The following PDE4D variants were observed in gnomAD, a reference collection of about 807,000 sequenced individuals.
PDE4D encodes the protein phosphodiesterase 4D, also known as 3',5'-cyclic-AMP phosphodiesterase 4D.
Under a neutral mutation model 87.4 loss-of-function variants are expected in PDE4D, and 24 were observed. The observed-to-expected ratio is 0.27, with a 90% CI of 0.20 to 0.39. The LOEUF (loss-of-function observed/expected upper bound fraction) is 0.39, where lower values mean the gene tolerates loss of function less well. Ranked by LOEUF, PDE4D falls within the 10% of genes least tolerant of loss-of-function variation. The pLI is 1.00. For missense variants in PDE4D, 714 were observed against 1,041.0 expected (o/e 0.69, Z 4.32); for synonymous variants, 384 against 383.2 (o/e 1.00, Z -0.02).
At position 58,992,039 on chromosome 5, in the gene PDE4D, T is replaced by C. The variant is rs777578853; in HGVS notation, c.1016-35A>G. On this transcript the variant is annotated intron_variant, in intron 7 of 14. Transcript: ENST00000340635. ...TTTAGAAAATGTTCTATATTTATTA[T>C]TAATTCTATCTGTTTTATATCATAT... The C allele has an allele frequency of 4.7e-6, 6 of 1,290,128 alleles. No individual in the cohort carries two copies. The African/African-American group carries it at 9.1e-5, about 20-fold the overall frequency. The allele number at this position is 1,290,128 out of a possible 1,614,324, so 79.9% of individuals were successfully genotyped here.
At chr5:60,216,223 C>T (rs913683849) in intron 1 of PDE4D, among the ~76,000 whole-genome samples, 4 of 152,042 alleles carry the variant, frequency 2.6e-5, no homozygotes, top group African/African-American at 9.7e-5. Flanking sequence ...TCTGGAATTG[C>T]ATCTTGTATT....
intron 1 of PDE4D, among the ~76,000 whole-genome samples, chr5:59,578,779 T>A (rs148089033): frequency 6.6e-6 from 1 of 152,190 alleles, no homozygotes; most frequent in African/African-American, 2.4e-5. Context: ...CTCCACATTA[T>A]CTGCATTCTC....
chr5:60,040,648 CA>C (rs898537365), intron 2 of PDE4D, among the ~76,000 whole-genome samples: 1 of 151,918 alleles, frequency 6.6e-6, no homozygotes, highest in Non-Finnish European at 1.5e-5. Context: ...ATAAAATGAC[CA>C]ATTGTGTACT....
intron 1 of PDE4D, among the ~76,000 whole-genome samples, chr5:59,535,078 G>T (rs112448452): frequency 0.034 from 2,492 of 72,500 alleles, 49 homozygotes; most frequent in African/African-American, 0.057. Flanking sequence ...TGTGTGTGTG[G>T]GGGGGGGGTC....
chr5:59,967,633 T>C (rs552053950), intron 3 of PDE4D, among the ~76,000 whole-genome samples: 42 of 152,304 alleles, frequency 2.8e-4, no homozygotes, highest in Middle Eastern at 3.4e-3. Flanking sequence ...AGGGAATGCT[T>C]ATACACCATT....
At chr5:59,298,045 G>A (rs1400685998) in intron 1 of PDE4D, among the ~76,000 whole-genome samples, 1 of 151,910 alleles carries the variant, frequency 6.6e-6, no homozygotes, top group Non-Finnish European at 1.5e-5. Context: ...GGGAGGTACT[G>A]GAGCTTGGGG....
chr5:59,339,867 T>G (rs1204391609), intron 1 of PDE4D, among the ~76,000 whole-genome samples: 1 of 152,152 alleles, frequency 6.6e-6, no homozygotes, highest in Non-Finnish European at 1.5e-5. Flanking sequence ...ACAAATCCCC[T>G]AATTCACTAA....
At chr5:60,087,375 CACT>C (rs1774648721) in intron 2 of PDE4D, among the ~76,000 whole-genome samples, 1 of 152,060 alleles carries the variant, frequency 6.6e-6, no homozygotes, top group Non-Finnish European at 1.5e-5. Context: ...AATATGACAC[CACT>C]CAAAGAAACC....
intron 1 of PDE4D, among the ~76,000 whole-genome samples, chr5:59,767,827 T>C (rs768794499): frequency 6.6e-6 from 1 of 152,192 alleles, no homozygotes; most frequent in Admixed American, 6.5e-5. Flanking sequence ...GTGGGGATCA[T>C]GCAGAAAACA....
At chr5:59,384,467 T>G (rs1173498584) in intron 1 of PDE4D, among the ~76,000 whole-genome samples, 1 of 152,136 alleles carries the variant, frequency 6.6e-6, no homozygotes, top group Non-Finnish European at 1.5e-5. Context: ...TCTGTCAGTT[T>G]CTGTACCAGA....
At chr5:59,720,885 T>C (rs1213896707) in intron 1 of PDE4D, among the ~76,000 whole-genome samples, 1 of 152,114 alleles carries the variant, frequency 6.6e-6, no homozygotes, top group Non-Finnish European at 1.5e-5. Flanking sequence ...TTCTCTAAGA[T>C]AGAATTTCCA....
chr5:59,938,030 T>C (rs1179822674), intron 3 of PDE4D, among the ~76,000 whole-genome samples: 1 of 152,252 alleles, frequency 6.6e-6, no homozygotes, highest in Non-Finnish European at 1.5e-5. Flanking sequence ...CCAAATTATC[T>C]GTTTTCTATT....
chr5:60,445,485 G>A (rs1745574945), intron 1 of PDE4D, among the ~76,000 whole-genome samples: 2 of 152,100 alleles, frequency 1.3e-5, no homozygotes, highest in South Asian at 4.1e-4. Context: ...ATAAATTCCA[G>A]ATGGATTAAG....
intron 1 of PDE4D, among the ~76,000 whole-genome samples, chr5:60,330,172 G>A (rs971902268): frequency 2.6e-5 from 4 of 151,638 alleles, no homozygotes; most frequent in Non-Finnish European, 5.9e-5. Context: ...ATACCTTAAT[G>A]CTAGAACTTT....
At chr5:59,923,440 G>A (rs114620715) in intron 3 of PDE4D, among the ~76,000 whole-genome samples, 2,760 of 152,286 alleles carry the variant, frequency 0.018, 78 homozygotes, top group African/African-American at 0.063. Flanking sequence ...CTGACCCAGC[G>A]CCATCCCAGT....
chr5:59,184,708 T>C (rs1418150110), intron 4 of PDE4D, among the ~76,000 whole-genome samples: 1 of 152,162 alleles, frequency 6.6e-6, no homozygotes, highest in Non-Finnish European at 1.5e-5. Flanking sequence ...CCTGTTGTCA[T>C]ATAAACCACA....
chr5:59,594,959 G>T (rs919880859), intron 1 of PDE4D, among the ~76,000 whole-genome samples: 3 of 152,098 alleles, frequency 2.0e-5, no homozygotes, highest in Admixed American at 1.3e-4. Flanking sequence ...TGATAATGGG[G>T]TGGCTATGCA....
At chr5:60,386,905 C>G (rs1004278819) in intron 1 of PDE4D, among the ~76,000 whole-genome samples, 1 of 152,170 alleles carries the variant, frequency 6.6e-6, no homozygotes, top group African/African-American at 2.4e-5. Flanking sequence ...TTTTGTGATG[C>G]ATTGATCACT....
chr5:59,983,751 C>T (rs907612416), intron 3 of PDE4D, among the ~76,000 whole-genome samples: 4 of 152,068 alleles, frequency 2.6e-5, no homozygotes, highest in Non-Finnish European at 5.9e-5. Flanking sequence ...CTACGTATTG[C>T]TGGTGGGAGG....
Sources: gnomAD v4.1 joint callset for allele counts (sites outside exome capture counted in the v4.1 genomes callset) on GRCh38, gnomAD v4.1.1 for gene constraint, MANE v1.5 for transcripts, NCBI Gene and HGNC (gene_info 2026-07-23, HGNC 2026-07-21) for gene names.